Variants in TLN1 observed in about 807,000 individuals in gnomAD.
TLN1 encodes talin-1.
In TLN1, 56 loss-of-function variants were observed where a neutral mutation model predicts 292.3. The observed-to-expected ratio is 0.19, with a 90% confidence interval of 0.15 to 0.24. The LOEUF is 0.24. TLN1 is among the 10% of genes least tolerant of loss of function. TLN1 has a pLI of 1.00. For missense variants in TLN1, 2,433 were observed against 3,248.2 expected (o/e 0.75, Z 6.10); for synonymous variants, 1,119 against 1,253.7 (o/e 0.89, Z 2.27).
Position 35,716,462 on chromosome 9 carries a change from C to T in TLN1, c.2553G>A (p.Glu851=). The T allele has an allele frequency of 6.2e-7, 1 of 1,614,230 alleles. No homozygotes were observed. The highest frequency in any genetic ancestry group is 8.5e-7 in the Non-Finnish European group (1 of 1,180,052). ...KADAEGESDL[E]NSRKLLSAAK... ...CAGCACTTAAGAGCTTGCGGGAGTT[C>T]TCCAGATCACTTTCCCCCTCAGCAT... The change falls in exon 20 of 57, where the codon GAG becomes GAA. Residue 851 remains glutamate (E), a synonymous_variant. Coordinates refer to ENST00000314888, the MANE Select transcript of TLN1 (RefSeq NM_006289.4).
In TLN1 at chr9:35,699,304, T is replaced by C; in HGVS notation, c.6874+52A>G. 8 of 1,576,720 alleles carry C rather than the reference T, an allele frequency of 5.1e-6. No homozygotes were observed. Among genetic ancestry groups the C allele is most frequent in the Non-Finnish European group, 6.9e-6 (8 of 1,159,436 alleles). ...GAGCTGTCCAGCCAGGAAGCAGAGA[T>C]CACACCATGATAAGGGTTTTCCATC... On this transcript the variant is annotated intron_variant, in intron 51 of 56. Transcript: ENST00000314888. This position sits in a 1 kb window ranked among gnomAD's most constrained non-coding sequence, Gnocchi z 4.0.
chr9:35,714,845 G>A lies in TLN1; in HGVS notation c.2786C>T (p.Thr929Ile), dbSNP rs752531999. ...GTGCTGAGCTGCAGCGATGGTCTGTGTGGCTGAGGCTGCAGCCTGCTTGGC... is the reference window on the plus strand; with the variant it reads ...GTGCTGAGCTGCAGCGATGGTCTGTATGGCTGAGGCTGCAGCCTGCTTGGC... ...HAAKQAAASA[T>I]QTIAAAQHAA... is the part of the protein sequence containing the mutation. Residue 929 changes from threonine to isoleucine, a missense_variant, in exon 22 of 57, where the codon ACA (threonine) becomes ATA (isoleucine). Physicochemically the swap from Thr to Ile is moderately conservative, Grantham distance 89. Around this residue, in one of 7 missense-constraint regions of TLN1, gnomAD observed 617 missense variants for 770.6 expected, o/e 0.80. Transcript: ENST00000314888. The surrounding 1 kb of genome is among the most constrained non-coding windows in gnomAD (Gnocchi z 4.6). 6.4e-6 allele frequency: 10 copies of A among 1,571,482 alleles called. No individual in the cohort carries two copies. Among genetic ancestry groups the A allele is most frequent in the Non-Finnish European group, 7.8e-6 (9 of 1,158,606 alleles).
chr9:35,703,714 G>A (rs776783082), intron 47 of TLN1, 38 bp from the exon 48 acceptor site: 19 of 1,614,046 alleles, frequency 1.2e-5, no homozygotes, highest in Non-Finnish European at 1.4e-5. Flanking sequence ...ATGATTTTAA[G>A]GAACAGGAGG....
At position 35,704,298 on chromosome 9, in the gene TLN1, T is replaced by C. The variant is rs1825522547; in HGVS notation, c.6047+34A>G. On this transcript the variant is annotated intron_variant, in intron 45 of 56. Coordinates refer to ENST00000314888, the MANE Select transcript of TLN1 (RefSeq NM_006289.4). This position sits in a 1 kb window ranked among gnomAD's most constrained non-coding sequence, Gnocchi z 6.9. ...CCTCTTCCAGCCCCGTGCCCCGACC[T>C]GTCTGCCTCCCTTAGGCCCAGTTCC... 4 of 1,603,902 alleles carry C rather than the reference T, an allele frequency of 2.5e-6. No individual in the cohort carries two copies. Among genetic ancestry groups the C allele is most frequent in the Non-Finnish European group, 3.4e-6 (4 of 1,174,118 alleles).
chr9:35,702,694 T>C (rs1022465993), intron 48 of TLN1, among the ~76,000 whole-genome samples: 4 of 151,880 alleles, frequency 2.6e-5, no homozygotes, highest in Non-Finnish European at 4.4e-5. Flanking sequence ...GGTTTCACCA[T>C]ATTGGCCAGG....
Position 35,704,970 on chromosome 9 carries a change from G to A in TLN1, c.5734-155C>T, listed in dbSNP as rs558394561. 7.2e-5 allele frequency among the ~76,000 whole-genome samples: 11 copies of A among 152,358 alleles called. No individual in the cohort carries two copies. The highest frequency in any genetic ancestry group is 2.6e-4 in the African/African-American group (11 of 41,578). On this transcript the variant is annotated intron_variant, in intron 43 of 56. Transcript: ENST00000314888. This position sits in a 1 kb window ranked among gnomAD's most constrained non-coding sequence, Gnocchi z 6.9. ...TCCCAGCACAAGGACGTTTCCGGTTGCATATCCTTTAGGCAGAAGGTCACC... is the reference window on the plus strand; with the variant it reads ...TCCCAGCACAAGGACGTTTCCGGTTACATATCCTTTAGGCAGAAGGTCACC...
chr9:35,716,475 TC>T lies in TLN1; in HGVS notation c.2539del (p.Glu847LysfsTer11). 1 of 1,614,170 alleles carries T rather than the reference TC, an allele frequency of 6.2e-7. No individual in the cohort carries two copies. The highest frequency in any genetic ancestry group is 8.5e-7 in the Non-Finnish European group (1 of 1,180,034). On this transcript the variant is annotated frameshift_variant, in exon 20 of 57. Coordinates refer to ENST00000314888, the MANE Select transcript of TLN1 (RefSeq NM_006289.4). LOFTEE classifies it high-confidence loss of function. ...CTTGCGGGAGTTCTCCAGATCACTTTCCCCCTCAGCATCAGCCTTGATGGCA... is the reference window on the plus strand; with the variant it reads ...CTTGCGGGAGTTCTCCAGATCACTTTCCCCTCAGCATCAGCCTTGATGGCA... The part of the protein sequence containing the change: ...VNAIKADAEG[E>X]SDLENSRKLL...
At chr9:35,697,958 A>C in intron 56 of TLN1, 42 bp from the exon 57 acceptor site, 1 of 1,614,026 alleles carries the variant, frequency 6.2e-7, no homozygotes, top group East Asian at 2.2e-5. Flanking sequence ...GAGGATGCAC[A>C]GCAGGGGCAT....
chr9:35,710,222 C>CAAAAA (rs68036045), intron 33 of TLN1, among the ~76,000 whole-genome samples: 6 of 67,052 alleles, frequency 8.9e-5, no homozygotes, highest in African/African-American at 1.2e-4. Context: ...AACGCTGTCT[C>CAAAAA]AAAAAAAAAA....
At position 35,704,047 on chromosome 9, in the gene TLN1, C is replaced by T. The variant is rs757869013; in HGVS notation, c.6175G>A (p.Ala2059Thr). 3.0e-5 allele frequency: 48 copies of T among 1,613,732 alleles called. No homozygotes were observed. The East Asian group carries it at 6.0e-4, about 20-fold the overall frequency. Residue 2059 changes from alanine (A) to threonine (T), a missense_variant, in exon 46 of 57, where the codon GCT becomes ACT. Physicochemically the swap from Ala to Thr is moderately conservative, Grantham distance 58. This residue lies in a region of TLN1 where 1,384 missense variants were observed against 1,699.6 expected (regional missense o/e 0.81). Coordinates refer to ENST00000314888, the MANE Select transcript of TLN1 (RefSeq NM_006289.4). The surrounding 1 kb of genome is among the most constrained non-coding windows in gnomAD (Gnocchi z 6.9). ...GCTGCACCCAGCTTGACCACATCAG[C>T]GAGGCGGGTGATGGTCGCCACGGAG... ...QSSVATITRL[A>T]DVVKLGAASL...
chr9:35,717,202 G>T lies in TLN1; in HGVS notation c.2402C>A (p.Ala801Asp). The change falls in exon 19 of 57, where the codon GCT becomes GAT. Residue 801 changes from alanine (A) to aspartate (D), a missense_variant. Transcript: ENST00000314888. This position sits in a 1 kb window ranked among gnomAD's most constrained non-coding sequence, Gnocchi z 4.7. ...GAGPAGRYDQATDTILTVTEN... is the reference protein window; with the variant it reads ...GAGPAGRYDQDTDTILTVTEN... ...AGTGACGGTTAGGATGGTGTCAGTA[G>T]CCTGGTCATAACGGCCAGCAGGCCC... The T allele has an allele frequency of 6.2e-7, 1 of 1,613,718 alleles. No homozygotes were observed. Among genetic ancestry groups the T allele is most frequent in the Non-Finnish European group, 8.5e-7 (1 of 1,179,622 alleles).
rs541680203 is a variant in TLN1 at position 35,704,279 on chromosome 9, C to T, written c.6047+53G>A. The T allele has an allele frequency of 3.8e-5, 61 of 1,591,214 alleles. No individual in the cohort carries two copies. In the East Asian group the frequency reaches 1.2e-3, roughly 32 times the overall value. On this transcript the variant is annotated intron_variant, in intron 45 of 56. Transcript: ENST00000314888. This position sits in a 1 kb window ranked among gnomAD's most constrained non-coding sequence, Gnocchi z 6.9. ...TCCAGCGAATGCTATCCTGCCTCTT[C>T]CAGCCCCGTGCCCCGACCTGTCTGC...
Position 35,697,491 on chromosome 9 carries a change from T to A in TLN1, c.*300A>T. On this transcript the variant is annotated 3_prime_UTR_variant, in exon 57 of 57. Transcript: ENST00000314888. ...GACTGGCCGGAAGCTGCTGGCAGGG[T>A]GGAGTGGGCTGGGGCCCCGGCAGAT... 1 of 369,350 alleles carries A rather than the reference T, an allele frequency of 2.7e-6. No homozygotes were observed. The highest frequency in any genetic ancestry group is 4.9e-5 in the South Asian group (1 of 20,520). 22.9% of individuals were successfully genotyped at this position (369,350 alleles called of 1,614,324 possible).
At chr9:35,700,482 G>A in intron 48 of TLN1, 106 bp from the exon 49 acceptor site, 1 of 1,197,670 alleles carries the variant, frequency 8.3e-7, no homozygotes, top group South Asian at 1.7e-5. Context: ...ACATCACAGT[G>A]AATGTAACAA....
In TLN1 at chr9:35,725,727, C is replaced by A. The variant is rs543000115; in HGVS notation, c.-33G>T. 1 of 1,610,596 alleles carries A rather than the reference C, an allele frequency of 6.2e-7. No individual in the cohort carries two copies. The highest frequency in any genetic ancestry group is 2.2e-5 in the East Asian group (1 of 44,738). Reference sequence around the variant, plus strand: ...GCTTCTTTTCTCCAGCCTGGCTATACCTGACCCATGGCATCAGGGCATTAG... The same window carrying A: ...GCTTCTTTTCTCCAGCCTGGCTATAACTGACCCATGGCATCAGGGCATTAG... On this transcript the variant is annotated splice_region_variant and 5_prime_UTR_variant, in exon 2 of 57. Transcript: ENST00000314888.
Position 35,707,314 on chromosome 9 carries a change from C to A in TLN1, c.4773+34G>T. 6.2e-7 allele frequency: 1 copy of A among 1,610,474 alleles called. No individual in the cohort carries two copies. The highest frequency in any genetic ancestry group is 8.5e-7 in the Non-Finnish European group (1 of 1,177,292). The stretch of plus-strand genomic sequence containing the variant: ...AGTCCCTGGAAGATGAGGTGATAAG[C>A]TGGCCCATCAGTTCCCCCTTCACAT... On this transcript the variant is annotated intron_variant, in intron 36 of 56. Coordinates refer to ENST00000314888, the MANE Select transcript of TLN1 (RefSeq NM_006289.4). This position sits in a 1 kb window ranked among gnomAD's most constrained non-coding sequence, Gnocchi z 5.6.
At chr9:35,713,724 A>G (rs1353752804) in intron 25 of TLN1, among the ~76,000 whole-genome samples, 1 of 151,656 alleles carries the variant, frequency 6.6e-6, no homozygotes, top group Non-Finnish European at 1.5e-5. Flanking sequence ...AAAAGAAAAG[A>G]GAAAAGAAAA....
chr9:35,710,410 T>C lies in TLN1; in HGVS notation c.4326+151A>G, dbSNP rs1409242965. The C allele has an allele frequency of 7.5e-6, 8 of 1,071,386 alleles. No homozygotes were observed. In the East Asian group the frequency reaches 1.5e-4, roughly 19 times the overall value. 66.4% of individuals were successfully genotyped at this position (1,071,386 alleles called of 1,614,324 possible). Reference sequence around the variant, plus strand: ...CTGGTGTTCAGTAATTGCTGACAAGTGTCTCCACTTCAGGAGGAGGACAAC... The same window carrying C: ...CTGGTGTTCAGTAATTGCTGACAAGCGTCTCCACTTCAGGAGGAGGACAAC... On this transcript the variant is annotated intron_variant, in intron 33 of 56. Coordinates refer to ENST00000314888, the MANE Select transcript of TLN1 (RefSeq NM_006289.4).
intron 1 of TLN1, among the ~76,000 whole-genome samples, chr9:35,728,121 CA>C (rs1826010201): frequency 2.0e-5 from 3 of 152,116 alleles, no homozygotes; most frequent in African/African-American, 7.2e-5. Flanking sequence ...CGATGCATTC[CA>C]AAGAAGTTGG....
Sources: allele counts gnomAD v4.1 joint callset (sites outside exome capture counted in the v4.1 genomes callset), GRCh38; gene constraint gnomAD v4.1.1; regional missense constraint gnomAD v4.1.1; non-coding constraint Gnocchi (gnomAD v3.1); transcripts MANE v1.5; gene names NCBI Gene and HGNC (gene_info 2026-07-23, HGNC 2026-07-21).